SYN3: variants seen among roughly 807,000 people sequenced by gnomAD.
The protein encoded by SYN3 is synapsin-3.
SYN3 carries 35 observed loss-of-function variants against 65.8 expected under a neutral mutation model. The ratio of observed to expected loss-of-function variants is 0.53; its 90% CI spans 0.41 to 0.70. The LOEUF (loss-of-function observed/expected upper bound fraction) is 0.70, where lower values mean the gene tolerates loss of function less well. Ranked by LOEUF, SYN3 falls within the 30% of genes least tolerant of loss-of-function variation. SYN3 has a pLI of 0.00. For synonymous variants in SYN3, 270 were observed against 292.9 expected, an observed-to-expected ratio of 0.92 and a Z score of 0.80; for missense variants, 680 against 749.0, an observed-to-expected ratio of 0.91 and a Z score of 1.08.
intron 4 of SYN3, among the ~76,000 whole-genome samples, chr22:32,891,422 T>C (rs2146476800): frequency 6.6e-6 from 1 of 152,318 alleles, no homozygotes; most frequent in East Asian, 1.9e-4. Flanking sequence ...TTCTTTGTAC[T>C]TTCCCAGGTC....
intron 4 of SYN3, among the ~76,000 whole-genome samples, chr22:32,918,856 A>T (rs1406240722): frequency 6.6e-6 from 1 of 152,158 alleles, no homozygotes; most frequent in Non-Finnish European, 1.5e-5. Context: ...AAGAGCTAGA[A>T]ATAGGGAGTG....
intron 6 of SYN3, among the ~76,000 whole-genome samples, chr22:32,609,000 T>C (rs971086114): frequency 2.0e-5 from 3 of 152,162 alleles, no homozygotes; most frequent in Admixed American, 6.5e-5. Context: ...CTATTTATTG[T>C]AAAAATATCT....
At chr22:32,765,618 A>G (rs2045602754) in intron 6 of SYN3, among the ~76,000 whole-genome samples, 1 of 152,262 alleles carries the variant, frequency 6.6e-6, no homozygotes, top group Admixed American at 6.5e-5. Flanking sequence ...ACAAACGGAA[A>G]CTACTCCTGG....
chr22:33,013,714 G>A (rs747574387), intron 1 of SYN3, among the ~76,000 whole-genome samples: 2 of 152,122 alleles, frequency 1.3e-5, no homozygotes, highest in African/African-American at 2.4e-5. Flanking sequence ...CGACATGTCC[G>A]CTTTCCCCAT....
chr22:32,541,477 T>A, intron 8 of SYN3, 94 bp downstream of exon 8: 1 of 1,485,350 alleles, frequency 6.7e-7, no homozygotes, highest in South Asian at 1.2e-5. Flanking sequence ...AGGAGGATAA[T>A]GATGCACCCT....
At chr22:33,002,573 G>A (rs2053089523) in intron 2 of SYN3, among the ~76,000 whole-genome samples, 1 of 152,190 alleles carries the variant, frequency 6.6e-6, no homozygotes, top group African/African-American at 2.4e-5. Context: ...GAACCTGGGA[G>A]GTGGAGGTTG....
chr22:32,824,696 A>G (rs2047350444), intron 6 of SYN3, among the ~76,000 whole-genome samples: 1 of 151,962 alleles, frequency 6.6e-6, no homozygotes, highest in African/African-American at 2.4e-5. Flanking sequence ...TGTTATGATG[A>G]CTCCCTTCAT....
At chr22:32,610,277 TC>T (rs1294844811) in intron 6 of SYN3, among the ~76,000 whole-genome samples, 2 of 150,954 alleles carry the variant, frequency 1.3e-5, no homozygotes. Flanking sequence ...CAAGATTCTG[TC>T]CCCCTGCCCC....
chr22:32,566,838 G>A (rs1432823982), intron 7 of SYN3, among the ~76,000 whole-genome samples: 1 of 152,154 alleles, frequency 6.6e-6, no homozygotes. Flanking sequence ...CCTTCAGAAA[G>A]CAACATTGAG....
At chr22:32,737,541 C>T (rs2061350615) in intron 6 of SYN3, among the ~76,000 whole-genome samples, 1 of 152,044 alleles carries the variant, frequency 6.6e-6, no homozygotes, top group South Asian at 2.1e-4. Context: ...GTTCAATTCC[C>T]ACCTATGAGT....
chr22:32,723,303 GA>G (rs1252135398), intron 6 of SYN3, among the ~76,000 whole-genome samples: 1 of 152,224 alleles, frequency 6.6e-6, no homozygotes, highest in African/African-American at 2.4e-5. Flanking sequence ...ATAAAATGGG[GA>G]CAGGAAGAGT....
intron 6 of SYN3, among the ~76,000 whole-genome samples, chr22:32,783,467 T>C (rs922429036): frequency 6.6e-6 from 1 of 152,202 alleles, no homozygotes; most frequent in Admixed American, 6.5e-5. Context: ...TGAATTACAT[T>C]TTAAAATGCG....
At chr22:32,608,823 T>C (rs1167074208) in intron 6 of SYN3, among the ~76,000 whole-genome samples, 1 of 152,146 alleles carries the variant, frequency 6.6e-6, no homozygotes, top group Non-Finnish European at 1.5e-5. Flanking sequence ...TCATGTAAAA[T>C]ACATGTTATA....
chr22:32,523,378 T>C (rs778040227), intron 12 of SYN3, among the ~76,000 whole-genome samples: 30 of 152,244 alleles, frequency 2.0e-4, no homozygotes, highest in South Asian at 1.0e-3. Flanking sequence ...CTGGGTGTGG[T>C]GGCATGCACC....
At chr22:32,883,511 A>G (rs2049201241) in intron 4 of SYN3, among the ~76,000 whole-genome samples, 1 of 152,130 alleles carries the variant, frequency 6.6e-6, no homozygotes, top group Non-Finnish European at 1.5e-5. Context: ...TTGGCTGTAC[A>G]TTGGAATCAC....
At position 32,664,584 on chromosome 22, in the gene SYN3, C is replaced by CTTTTTTTTTT. The variant is rs71320943; in HGVS notation, c.712-67858_712-67849dup. On this transcript the variant is annotated intron_variant, in intron 6 of 13. Transcript: ENST00000358763. ...AGCATACACTGTACTCAATTGGTCGCTTTTTTTTTTTTTTTTTTTTTTTTT... is the reference window on the plus strand; with the variant it reads ...AGCATACACTGTACTCAATTGGTCGCTTTTTTTTTTTTTTTTTTTTTTTTTTTTTTTTTTT... Among the ~76,000 whole-genome samples, 3 of 69,056 alleles carry CTTTTTTTTTT rather than the reference C, an allele frequency of 4.3e-5. 1 individual carries two copies. Among genetic ancestry groups the CTTTTTTTTTT allele is most frequent in the African/African-American group, 2.2e-4 (3 of 13,452 alleles). The allele number at this position is 69,056 out of a possible 152,430, so 45.3% of individuals were successfully genotyped here. A position where few individuals can be genotyped will look rare whatever the true frequency, so the allele number is the denominator to read the frequency against.
chr22:32,599,459 C>A (rs936997103), intron 6 of SYN3, among the ~76,000 whole-genome samples: 19 of 151,968 alleles, frequency 1.3e-4, no homozygotes, highest in African/African-American at 4.6e-4. Context: ...GTAGCTGGGA[C>A]TACAGGTGCC....
chr22:32,605,150 A>G (rs1490406877), intron 6 of SYN3, among the ~76,000 whole-genome samples: 1 of 152,070 alleles, frequency 6.6e-6, no homozygotes, highest in Non-Finnish European at 1.5e-5. Context: ...GGCCCGGCAG[A>G]CAGTAAGCGC....
intron 6 of SYN3, among the ~76,000 whole-genome samples, chr22:32,782,186 A>G (rs2046083665): frequency 1.3e-5 from 2 of 151,698 alleles, no homozygotes; most frequent in South Asian, 4.2e-4. Context: ...CTCTTGCCTC[A>G]GCCTCCCAAG....
Sources: allele counts gnomAD v4.1 joint callset (sites outside exome capture counted in the v4.1 genomes callset), GRCh38; gene constraint gnomAD v4.1.1; transcripts MANE v1.5; gene names NCBI Gene and HGNC (gene_info 2026-07-23, HGNC 2026-07-21).